Variants in FNDC3A observed in about 807,000 individuals in gnomAD.
FNDC3A encodes the protein fibronectin type III domain containing 3A.
Under a neutral mutation model 148.9 loss-of-function variants are expected in FNDC3A, and 32 were observed. The ratio of observed to expected loss-of-function variants is 0.21; its 90% CI spans 0.16 to 0.29. The LOEUF is 0.29. Ranked by LOEUF, FNDC3A falls within the 10% of genes least tolerant of loss-of-function variation. The probability of loss-of-function intolerance (pLI) is 1.00; values close to 1 mark genes in which losing one functional copy is unlikely to be tolerated. For synonymous variants in FNDC3A, 472 were observed against 473.6 expected (o/e 1.00, Z 0.04); for missense variants, 1,191 against 1,452.8 (o/e 0.82, Z 2.93).
At chr13:49,035,106 A>G (rs1874399069) in intron 2 of FNDC3A, among the ~76,000 whole-genome samples, 1 of 152,090 alleles carries the variant, frequency 6.6e-6, no homozygotes, top group African/African-American at 2.4e-5. Flanking sequence ...TGTAAGTGGA[A>G]AACATTTTAA....
intron 17 of FNDC3A, 59 bp from the exon 18 acceptor site, chr13:49,190,956 G>A: frequency 9.0e-7 from 1 of 1,114,548 alleles, no homozygotes. Flanking sequence ...CTTACCAAAA[G>A]CAATCTGATT....
intron 5 of FNDC3A, 73 bp downstream of exon 5, chr13:49,131,447 C>A: frequency 9.2e-7 from 1 of 1,081,882 alleles, no homozygotes; most frequent in Non-Finnish European, 1.4e-6. Context: ...ATGCCATTAT[C>A]ATATCACATT....
chr13:49,017,852 C>T (rs1872937261), intron 2 of FNDC3A, among the ~76,000 whole-genome samples: 1 of 152,004 alleles, frequency 6.6e-6, no homozygotes, highest in Non-Finnish European at 1.5e-5. Flanking sequence ...ATTTCTCCTT[C>T]ACTTACGAAG....
intron 2 of FNDC3A, among the ~76,000 whole-genome samples, chr13:49,068,641 A>G (rs1003023665): frequency 1.3e-5 from 2 of 152,206 alleles, no homozygotes; most frequent in South Asian, 4.1e-4. Context: ...TAGCCAAGAC[A>G]TGGAATCAAC....
intron 14 of FNDC3A, among the ~76,000 whole-genome samples, chr13:49,181,142 G>A (rs1277455305): frequency 6.6e-6 from 1 of 152,142 alleles, no homozygotes; most frequent in African/African-American, 2.4e-5. Flanking sequence ...TCAAATTTCA[G>A]GGGAGGGAGA....
intron 1 of FNDC3A, among the ~76,000 whole-genome samples, chr13:49,003,961 T>C (rs1410678517): frequency 6.6e-6 from 1 of 152,172 alleles, no homozygotes; most frequent in Admixed American, 6.5e-5. Context: ...TGTACAAAAG[T>C]TGGTTGTTAA....
At chr13:49,182,666 T>C (rs1019548165) in intron 14 of FNDC3A, among the ~76,000 whole-genome samples, 2 of 152,190 alleles carry the variant, frequency 1.3e-5, no homozygotes, top group African/African-American at 4.8e-5. Flanking sequence ...TTGAGGTCTT[T>C]TTATAGGTAA....
chr13:49,186,967 A>G (rs1486177951), intron 15 of FNDC3A, among the ~76,000 whole-genome samples, 155 bp from the exon 16 acceptor site: 3 of 152,194 alleles, frequency 2.0e-5, no homozygotes, highest in Admixed American at 6.5e-5. Context: ...TGAAAAGCAG[A>G]TGACAACAGC....
chr13:49,048,957 A>G (rs1012607778), intron 2 of FNDC3A, among the ~76,000 whole-genome samples: 2 of 152,148 alleles, frequency 1.3e-5, no homozygotes, highest in Non-Finnish European at 2.9e-5. Context: ...TGGGTTTGTC[A>G]TAGATGGTTT....
chr13:49,164,813 G>A (rs7321778), intron 8 of FNDC3A, among the ~76,000 whole-genome samples: 110 of 152,268 alleles, frequency 7.2e-4, no homozygotes, highest in African/African-American at 2.6e-3. Flanking sequence ...GTTTCGCCTT[G>A]TTGGGCAGGC....
chr13:49,106,425 G>A (rs748380242), intron 3 of FNDC3A, among the ~76,000 whole-genome samples: 2 of 151,946 alleles, frequency 1.3e-5, no homozygotes, highest in African/African-American at 4.8e-5. Flanking sequence ...CAAGATTCCC[G>A]CCTCAGCCTC....
intron 2 of FNDC3A, among the ~76,000 whole-genome samples, chr13:49,037,439 T>C (rs1874574180): frequency 6.6e-6 from 1 of 152,192 alleles, no homozygotes; most frequent in Non-Finnish European, 1.5e-5. Flanking sequence ...TCCTTTATTA[T>C]TGCTATCAAC....
At chr13:49,191,532 C>G in intron 19 of FNDC3A, 148 bp downstream of exon 19, 1 of 561,358 alleles carries the variant, frequency 1.8e-6, no homozygotes, top group Non-Finnish European at 3.1e-6. Flanking sequence ...TTGATAAATA[C>G]AAGAGAAGTC....
At chr13:49,039,659 A>T (rs1417012674) in intron 2 of FNDC3A, among the ~76,000 whole-genome samples, 6 of 152,120 alleles carry the variant, frequency 3.9e-5, no homozygotes, top group Admixed American at 1.3e-4. Context: ...TACTGGGCAT[A>T]TTTATAACTT....
intron 2 of FNDC3A, among the ~76,000 whole-genome samples, chr13:49,064,684 G>C (rs188578533): frequency 6.6e-6 from 1 of 152,136 alleles, no homozygotes; most frequent in Non-Finnish European, 1.5e-5. Context: ...TGCATGTAAT[G>C]ATAATGATGC....
chr13:49,145,868 G>C lies in FNDC3A; in HGVS notation c.910G>C (p.Glu304Gln). The change falls in exon 8 of 26, where the codon GAG becomes CAG. Residue 304 changes from glutamate (E) to glutamine (Q), a missense_variant. Glu to Gln is a conservative substitution (Grantham distance 29). Coordinates refer to ENST00000492622, the MANE Select transcript of FNDC3A (RefSeq NM_001079673.2). ...TGAAACAGATGAAAGTAGTGTACCA[G>C]AGCTCTATGGTTATGAAGTTCTGAT... ...NGETDESSVP[E>Q]LYGYEVLISS... 6.2e-7 allele frequency: 1 copy of C among 1,612,690 alleles called. No individual in the cohort carries two copies.
At chr13:48,992,685 T>C (rs1951944050) in intron 1 of FNDC3A, among the ~76,000 whole-genome samples, 1 of 152,186 alleles carries the variant, frequency 6.6e-6, no homozygotes, top group Non-Finnish European at 1.5e-5. Context: ...TTGTACACTT[T>C]TAAACATGTG....
chr13:49,135,048 G>T (rs978883451), intron 5 of FNDC3A, among the ~76,000 whole-genome samples: 3 of 151,430 alleles, frequency 2.0e-5, no homozygotes, highest in South Asian at 4.2e-4. Context: ...GTAGAGATGG[G>T]ATTTCACCAT....
In FNDC3A at chr13:49,006,173, A is replaced by G. The variant is rs749105533; in HGVS notation, c.-18A>G. ...TCAGAATTGGAGCGTTATTCAGTAT[A>G]TTAATGTCTTATTGATAATGGCAGA... On this transcript the variant is annotated 5_prime_UTR_variant, in exon 2 of 26. The change creates a new upstream start codon in the 5' untranslated region. Coordinates refer to ENST00000492622, the MANE Select transcript of FNDC3A (RefSeq NM_001079673.2). 8.6e-6 allele frequency: 12 copies of G among 1,397,176 alleles called. No individual in the cohort carries two copies. In the Admixed American group the frequency reaches 1.9e-4, roughly 22 times the overall value. 86.5% of individuals were successfully genotyped at this position (1,397,176 alleles called of 1,614,324 possible).
Sources: gnomAD v4.1 joint callset for allele counts (sites outside exome capture counted in the v4.1 genomes callset) on GRCh38, gnomAD v4.1.1 for gene constraint, MANE v1.5 for transcripts, NCBI Gene and HGNC (gene_info 2026-07-23, HGNC 2026-07-21) for gene names.